Variants in IGSF5 observed in about 807,000 individuals in gnomAD.
The protein encoded by IGSF5 is immunoglobulin superfamily 5 like.
IGSF5 carries 41 observed loss-of-function variants against 39.4 expected under a neutral mutation model. The observed-to-expected ratio is 1.04, with a 90% CI of 0.81 to 1.35. The LOEUF is 1.35. IGSF5 is among the 40% of genes most tolerant of loss of function. The pLI is 0.00. For missense variants in IGSF5, 487 were observed against 494.6 expected (o/e 0.98, Z 0.15); for synonymous variants, 183 against 175.3 (o/e 1.04, Z -0.34).
chr21:39,734,035 A>T, the IGSF5 span, among the ~76,000 whole-genome samples: 5 of 152,334 alleles, frequency 3.3e-5, no homozygotes, highest in South Asian at 1.0e-3. Context: ...GGTTCTGGGT[A>T]GACAAGAATT....
chr21:39,763,117 G>A (rs957190659), intron 2 of IGSF5, among the ~76,000 whole-genome samples: 2 of 152,128 alleles, frequency 1.3e-5, no homozygotes, highest in South Asian at 2.1e-4. Context: ...ACGAGCTCCC[G>A]GGACCTAAAG....
chr21:39,725,060 A>AC, the IGSF5 span, among the ~76,000 whole-genome samples: 1 of 152,188 alleles, frequency 6.6e-6, no homozygotes, highest in African/African-American at 2.4e-5. Flanking sequence ...ACGTTCAGTA[A>AC]AACTCAAGCG....
At chr21:39,776,616 C>T (rs1380966465) in intron 4 of IGSF5, among the ~76,000 whole-genome samples, 1 of 152,176 alleles carries the variant, frequency 6.6e-6, no homozygotes, top group Non-Finnish European at 1.5e-5. Context: ...CCCTTCCCTT[C>T]TGTTAAACAT....
intron 6 of IGSF5, among the ~76,000 whole-genome samples, chr21:39,791,439 C>G (rs1418202593): frequency 6.6e-6 from 1 of 152,192 alleles, no homozygotes; most frequent in African/African-American, 2.4e-5. Flanking sequence ...TGCCAGACTT[C>G]CTTCCAGCCT....
chr21:39,724,670 C>T, the IGSF5 span, among the ~76,000 whole-genome samples: 7 of 152,198 alleles, frequency 4.6e-5, no homozygotes, highest in Non-Finnish European at 1.0e-4. Context: ...TTGTAAATTG[C>T]CCAGTCTTGT....
At chr21:39,754,378 T>C (rs997141143) in intron 2 of IGSF5, among the ~76,000 whole-genome samples, 4 of 152,360 alleles carry the variant, frequency 2.6e-5, no homozygotes, top group African/African-American at 9.6e-5. Context: ...CCACCAACCT[T>C]GAGCAGGCAC....
At chr21:39,765,992 G>A (rs1465465444) in intron 3 of IGSF5, 140 bp downstream of exon 3, 2 of 771,482 alleles carry the variant, frequency 2.6e-6, no homozygotes, top group Non-Finnish European at 2.1e-6. Context: ...CTGAACTGAT[G>A]AATGTTTTGC....
the IGSF5 span, chr21:39,729,011 CTG>C: frequency 6.6e-6 from 1 of 152,190 alleles, no homozygotes; most frequent in Non-Finnish European, 1.5e-5. Context: ...TTTACTTTCT[CTG>C]TAGGTTCCAA....
chr21:39,786,080 T>C (rs2086917521), intron 5 of IGSF5, among the ~76,000 whole-genome samples: 1 of 151,926 alleles, frequency 6.6e-6, no homozygotes, highest in African/African-American at 2.4e-5. Context: ...CCAAAAGCAA[T>C]GGCAACAAAA....
intron 2 of IGSF5, among the ~76,000 whole-genome samples, chr21:39,750,508 C>A (rs867432708): frequency 1.0e-3 from 126 of 123,650 alleles, no homozygotes; most frequent in Admixed American, 1.4e-3. Context: ...ACACTGTCTC[C>A]AGAAAAAAAA....
the IGSF5 span, among the ~76,000 whole-genome samples, chr21:39,732,518 G>A: frequency 3.4e-4 from 51 of 152,174 alleles, no homozygotes; most frequent in African/African-American, 9.6e-4. Flanking sequence ...AGATATAGGG[G>A]GATTTATCAA....
At chr21:39,756,089 TCAAACAAACAAACAAA>T (rs10533195) in intron 2 of IGSF5, among the ~76,000 whole-genome samples, 4 of 151,354 alleles carry the variant, frequency 2.6e-5, no homozygotes, top group East Asian at 2.0e-4. Flanking sequence ...GGACTCGGTC[TCAAACAAACAAACAAA>T]CAAACAAACA....
At chr21:39,785,651 A>C (rs1039536934) in intron 5 of IGSF5, among the ~76,000 whole-genome samples, 10 of 152,186 alleles carry the variant, frequency 6.6e-5, no homozygotes, top group African/African-American at 2.4e-4. Context: ...CTTGGGCAGT[A>C]TGGCCATTTT....
At chr21:39,772,351 A>G (rs2146283506) in intron 4 of IGSF5, among the ~76,000 whole-genome samples, 1 of 152,246 alleles carries the variant, frequency 6.6e-6, no homozygotes, top group South Asian at 2.1e-4. Flanking sequence ...TCACCTGGCA[A>G]CTCTGCCCAC....
rs925266756 is a variant in IGSF5, at chr21:39,793,884, C to T, written c.1128+271C>T. On this transcript the variant is annotated intron_variant, in intron 8 of 8. Transcript: ENST00000380588. ...TGGGAGGATGCGACTTGATTTGGGA[C>T]GTATCCGCCTGAGTTGGCATAAGAG... Among the ~76,000 whole-genome samples, 11 of 152,078 alleles carry T rather than the reference C, an allele frequency of 7.2e-5. 1 individual carries two copies. Among genetic ancestry groups the T allele is most frequent in the Non-Finnish European group, 1.2e-4 (8 of 68,032 alleles).
chr21:39,723,682 T>G, the IGSF5 span, among the ~76,000 whole-genome samples: 1 of 152,226 alleles, frequency 6.6e-6, no homozygotes, highest in Admixed American at 6.5e-5. Flanking sequence ...AGGTAGAATG[T>G]ATTCCCTAAA....
chr21:39,719,286 G>T, the IGSF5 span, among the ~76,000 whole-genome samples: 1 of 152,278 alleles, frequency 6.6e-6, no homozygotes, highest in South Asian at 2.1e-4. Flanking sequence ...ACAGGTGTGT[G>T]CTTTTTATTG....
rs33925299 is a variant in IGSF5 at position 39,787,552 on chromosome 21, G to GTTTTT, written c.935-600_935-596dup. Among the ~76,000 whole-genome samples, 230 of 119,878 alleles carry GTTTTT rather than the reference G, an allele frequency of 1.9e-3. 5 individuals carry two copies. The highest frequency in any genetic ancestry group is 2.0e-3 in the African/African-American group (63 of 31,398). The allele number at this position is 119,878 out of a possible 152,430, so 78.6% of individuals were successfully genotyped here. On this transcript the variant is annotated intron_variant, in intron 5 of 8. Coordinates refer to ENST00000380588, the MANE Select transcript of IGSF5 (RefSeq NM_001080444.2). Reference sequence around the variant, plus strand: ...AAAACATTAGCAATTTAATGACAGTGTTTTTTTTTTTTTTTTTTTGGTGGG... The same window carrying GTTTTT: ...AAAACATTAGCAATTTAATGACAGTGTTTTTTTTTTTTTTTTTTTTTTTTGGTGGG...
the IGSF5 span, among the ~76,000 whole-genome samples, chr21:39,723,777 A>AC: frequency 6.6e-6 from 1 of 152,244 alleles, no homozygotes; most frequent in Non-Finnish European, 1.5e-5. Context: ...TTTGTAAAAA[A>AC]ATATGAAATC....
Sources: allele counts gnomAD v4.1 joint callset (sites outside exome capture counted in the v4.1 genomes callset), GRCh38; gene constraint gnomAD v4.1.1; transcripts MANE v1.5; gene names NCBI Gene and HGNC (gene_info 2026-07-23, HGNC 2026-07-21).